The following DCC variants were observed in gnomAD, a reference collection of about 807,000 sequenced individuals.
DCC encodes netrin receptor DCC.
A neutral mutation model predicts 172.5 loss-of-function variants in DCC; 58 were observed. The observed-to-expected ratio is 0.34, with a 90% CI of 0.27 to 0.42. DCC has a LOEUF of 0.42. DCC is among the 10% of genes least tolerant of loss of function. The pLI is 1.00. For missense variants in DCC, 1,740 were observed against 1,791.0 expected (o/e 0.97, Z 0.51); for synonymous variants, 709 against 644.5 (o/e 1.10, Z -1.52).
intron 5 of DCC, among the ~76,000 whole-genome samples, chr18:53,024,148 C>T (rs1465387602): frequency 6.6e-6 from 1 of 152,074 alleles, no homozygotes; most frequent in East Asian, 1.9e-4. Flanking sequence ...ATCCTATTTG[C>T]CTTTAGCTCA....
chr18:52,907,153 A>G (rs2039895353), intron 3 of DCC, among the ~76,000 whole-genome samples: 1 of 150,566 alleles, frequency 6.6e-6, no homozygotes, highest in Non-Finnish European at 1.5e-5. Context: ...AATATATCAT[A>G]CATATATCAT....
At chr18:52,811,689 T>G (rs1034794260) in intron 2 of DCC, among the ~76,000 whole-genome samples, 2 of 152,168 alleles carry the variant, frequency 1.3e-5, no homozygotes. Context: ...TTATAAATTA[T>G]AAGAAGAGAT....
chr18:52,877,364 G>A (rs1482347245), intron 2 of DCC, among the ~76,000 whole-genome samples: 1 of 151,938 alleles, frequency 6.6e-6, no homozygotes, highest in Non-Finnish European at 1.5e-5. Flanking sequence ...CTAGAGGGAG[G>A]AGGGTGTGTG....
At position 52,646,803 on chromosome 18, in the gene DCC, C is replaced by G. The variant is rs1172972231; in HGVS notation, c.92-105251C>G. Among the ~76,000 whole-genome samples, 3 of 152,150 alleles carry G rather than the reference C, an allele frequency of 2.0e-5. No homozygotes were observed. The East Asian group carries it at 5.8e-4, about 29-fold the overall frequency. ...TCACTAACCAGGATGCTCATCAAACCTAGTTATTCAAAAGTAACTAAAGAG... is the reference window on the plus strand; with the variant it reads ...TCACTAACCAGGATGCTCATCAAACGTAGTTATTCAAAAGTAACTAAAGAG... On this transcript the variant is annotated intron_variant, in intron 1 of 28. Coordinates refer to ENST00000442544, the MANE Select transcript of DCC (RefSeq NM_005215.4).
At chr18:53,027,277 T>G (rs1324369754) in intron 5 of DCC, among the ~76,000 whole-genome samples, 2 of 152,096 alleles carry the variant, frequency 1.3e-5, no homozygotes, top group African/African-American at 4.8e-5. Flanking sequence ...ATCCACTGTT[T>G]ATGATGAATG....
chr18:53,253,913 T>A (rs1175688076), intron 12 of DCC, among the ~76,000 whole-genome samples: 1 of 152,062 alleles, frequency 6.6e-6, no homozygotes, highest in Admixed American at 6.6e-5. Flanking sequence ...ATGCTTCATC[T>A]GGAACAGGTG....
intron 1 of DCC, among the ~76,000 whole-genome samples, chr18:52,647,984 TA>T (rs1020308038): frequency 6.6e-6 from 1 of 152,182 alleles, no homozygotes; most frequent in Non-Finnish European, 1.5e-5. Flanking sequence ...CAAAAGATTC[TA>T]AAAAAATGTT....
chr18:52,883,558 A>G (rs1277601283), intron 2 of DCC, among the ~76,000 whole-genome samples: 1 of 152,000 alleles, frequency 6.6e-6, no homozygotes, highest in Non-Finnish European at 1.5e-5. Flanking sequence ...GCAACCTAAT[A>G]CTGATTGCAT....
At chr18:52,899,087 AT>A (rs1756792622) in intron 2 of DCC, among the ~76,000 whole-genome samples, 1 of 152,176 alleles carries the variant, frequency 6.6e-6, no homozygotes, top group African/African-American at 2.4e-5. Context: ...GAAAGGATTT[AT>A]TAGTCTCAGC....
chr18:52,695,062 A>G (rs1485190690), intron 1 of DCC, among the ~76,000 whole-genome samples: 1 of 152,122 alleles, frequency 6.6e-6, no homozygotes, highest in African/African-American at 2.4e-5. Context: ...CTCAATTTTG[A>G]CATCAGCTGT....
intron 2 of DCC, among the ~76,000 whole-genome samples, chr18:52,869,877 G>A (rs2039289807): frequency 6.6e-6 from 1 of 152,180 alleles, no homozygotes; most frequent in Admixed American, 6.5e-5. Context: ...AGCCTGGGGG[G>A]TAAAGGCGGC....
At chr18:53,510,596 A>C (rs1427894954) in intron 27 of DCC, among the ~76,000 whole-genome samples, 1 of 152,252 alleles carries the variant, frequency 6.6e-6, no homozygotes, top group Non-Finnish European at 1.5e-5. Context: ...GACAGTTTTC[A>C]TCCTTTGCAT....
Position 53,459,478 on chromosome 18 carries a change from C to T in DCC, c.3619+20C>T. The stretch of plus-strand genomic sequence containing the variant: ...ATTCAGGTAATTATCTTTTCACTGG[C>T]ATTAGGGAAAACATACCATTCTGAA... On this transcript the variant is annotated intron_variant, in intron 24 of 28. Coordinates refer to ENST00000442544, the MANE Select transcript of DCC (RefSeq NM_005215.4). The T allele has an allele frequency of 6.8e-7, 1 of 1,475,288 alleles. No individual in the cohort carries two copies. The highest frequency in any genetic ancestry group is 9.5e-7 in the Non-Finnish European group (1 of 1,055,352). The allele number at this position is 1,475,288 out of a possible 1,614,324, so 91.4% of individuals were successfully genotyped here.
intron 5 of DCC, among the ~76,000 whole-genome samples, chr18:52,963,046 G>A (rs981722288): frequency 2.6e-5 from 4 of 151,302 alleles, no homozygotes; most frequent in Non-Finnish European, 5.9e-5. Context: ...CATGGCACAT[G>A]TATACATATG....
At chr18:53,506,585 T>C (rs1286530062) in intron 27 of DCC, among the ~76,000 whole-genome samples, 1 of 151,978 alleles carries the variant, frequency 6.6e-6, no homozygotes, top group Non-Finnish European at 1.5e-5. Flanking sequence ...CGGCCAGGTG[T>C]GGTGGCTCAC....
Position 52,966,745 on chromosome 18 carries a change from C to T in DCC, c.985+41375C>T, listed in dbSNP as rs186206630. Among the ~76,000 whole-genome samples, 446 of 152,254 alleles carry T rather than the reference C, an allele frequency of 2.9e-3. 15 individuals are homozygous for T. Among genetic ancestry groups the T allele is most frequent in the Admixed American group, 0.028 (432 of 15,272 alleles). On this transcript the variant is annotated intron_variant, in intron 5 of 28. Coordinates refer to ENST00000442544, the MANE Select transcript of DCC (RefSeq NM_005215.4). ...GGAATCACTGTTTCTCCCTTTGCCC[C>T]TTCAGGCCTATCAGTGGTCATGACT...
intron 12 of DCC, among the ~76,000 whole-genome samples, chr18:53,278,019 G>T (rs2056826297): frequency 6.6e-6 from 1 of 152,080 alleles, no homozygotes; most frequent in Non-Finnish European, 1.5e-5. Flanking sequence ...AGATAATTGG[G>T]ATTGCAACAG....
At chr18:53,030,723 G>A (rs1178043105) in intron 5 of DCC, among the ~76,000 whole-genome samples, 1 of 152,122 alleles carries the variant, frequency 6.6e-6, no homozygotes, top group Non-Finnish European at 1.5e-5. Context: ...CATCCTGGTG[G>A]GAGAAATATT....
At chr18:53,387,219 C>T (rs1295697793) in intron 16 of DCC, among the ~76,000 whole-genome samples, 2 of 152,112 alleles carry the variant, frequency 1.3e-5, no homozygotes, top group African/African-American at 4.8e-5. Flanking sequence ...AGTTTGTTTG[C>T]CAAATGTACA....
Sources: gnomAD v4.1 joint callset for allele counts (sites outside exome capture counted in the v4.1 genomes callset) on GRCh38, gnomAD v4.1.1 for gene constraint, MANE v1.5 for transcripts, NCBI Gene and HGNC (gene_info 2026-07-23, HGNC 2026-07-21) for gene names.